The following MAML2 variants were observed in gnomAD, a reference collection of about 807,000 sequenced individuals.
MAML2 encodes the protein mastermind-like protein 2.
A neutral mutation model predicts 96.1 loss-of-function variants in MAML2; 22 were observed. The observed-to-expected ratio is 0.23, with a 90% CI of 0.16 to 0.33. The LOEUF (loss-of-function observed/expected upper bound fraction) is 0.33, where lower values mean the gene tolerates loss of function less well. MAML2 is among the 10% of genes least tolerant of loss of function. The pLI, the probability that MAML2 is intolerant of heterozygous loss-of-function variation, is 1.00. For synonymous variants in MAML2, 561 were observed against 521.3 expected, an observed-to-expected ratio of 1.08 and a Z score of -1.04; for missense variants, 1,367 against 1,392.4, an observed-to-expected ratio of 0.98 and a Z score of 0.29.
chr11:96,115,338 T>C (rs1463499568), intron 1 of MAML2, among the ~76,000 whole-genome samples: 4 of 151,954 alleles, frequency 2.6e-5, no homozygotes, highest in Non-Finnish European at 4.4e-5. Context: ...TATGTATTTA[T>C]TTATTTTTTG....
chr11:96,055,149 A>T (rs1859043790), intron 2 of MAML2, among the ~76,000 whole-genome samples: 1 of 152,208 alleles, frequency 6.6e-6, no homozygotes, highest in Non-Finnish European at 1.5e-5. Context: ...TTTAGTACCT[A>T]GAAAAGGTTG....
chr11:96,291,272 C>T (rs1332646478), intron 1 of MAML2, among the ~76,000 whole-genome samples: 1 of 151,756 alleles, frequency 6.6e-6, no homozygotes, highest in East Asian at 1.9e-4. Flanking sequence ...ACTACAGGCA[C>T]CCACCACCTC....
intron 1 of MAML2, among the ~76,000 whole-genome samples, chr11:96,094,846 C>T (rs1228292989): frequency 6.6e-6 from 1 of 152,182 alleles, no homozygotes; most frequent in Non-Finnish European, 1.5e-5. Flanking sequence ...AATTCTATCA[C>T]TTCTCCTATC....
intron 1 of MAML2, among the ~76,000 whole-genome samples, chr11:96,170,471 GC>G (rs1565236424): frequency 6.6e-6 from 1 of 152,302 alleles, no homozygotes; most frequent in East Asian, 1.9e-4. Flanking sequence ...GATACAGTTT[GC>G]TTTCTGATAA....
intron 1 of MAML2, among the ~76,000 whole-genome samples, chr11:96,203,794 C>G (rs1861859051): frequency 6.6e-6 from 1 of 152,184 alleles, no homozygotes; most frequent in South Asian, 2.1e-4. Flanking sequence ...TTAGCCTACC[C>G]AAGGATCTAT....
At chr11:96,096,575 G>C (rs1213682537) in intron 1 of MAML2, among the ~76,000 whole-genome samples, 2 of 152,190 alleles carry the variant, frequency 1.3e-5, no homozygotes, top group African/African-American at 4.8e-5. Context: ...CCTGTGCTCT[G>C]TAGTAAGTGA....
At chr11:96,232,833 C>T (rs182447348) in intron 1 of MAML2, among the ~76,000 whole-genome samples, 90 of 152,252 alleles carry the variant, frequency 5.9e-4, no homozygotes, top group South Asian at 4.1e-4. Flanking sequence ...AATGCTGGAC[C>T]GCATTGCTGA....
intron 1 of MAML2, among the ~76,000 whole-genome samples, chr11:96,278,932 A>T (rs1396514083): frequency 1.3e-5 from 2 of 152,198 alleles, no homozygotes; most frequent in East Asian, 3.8e-4. Flanking sequence ...AGGAGCTAAC[A>T]TTGTGGCAGT....
intron 1 of MAML2, among the ~76,000 whole-genome samples, chr11:96,277,471 C>A (rs1012585066): frequency 3.2e-4 from 48 of 152,120 alleles, no homozygotes; most frequent in Middle Eastern, 3.2e-3. Context: ...AACTTACTGT[C>A]CAGGCGCGGT....
chr11:96,341,126 A>G (rs1356099762), intron 1 of MAML2, among the ~76,000 whole-genome samples: 1 of 152,170 alleles, frequency 6.6e-6, no homozygotes, highest in East Asian at 1.9e-4. Flanking sequence ...TGGACCCCAG[A>G]GAGCCTCTGG....
At chr11:96,244,684 A>C (rs1266189318) in intron 1 of MAML2, among the ~76,000 whole-genome samples, 1 of 152,204 alleles carries the variant, frequency 6.6e-6, no homozygotes, top group East Asian at 1.9e-4. Context: ...TTGAAGAAAC[A>C]GAGGTTTGTA....
At chr11:96,255,764 C>T (rs191833065) in intron 1 of MAML2, among the ~76,000 whole-genome samples, 1 of 152,102 alleles carries the variant, frequency 6.6e-6, no homozygotes, top group Non-Finnish European at 1.5e-5. Flanking sequence ...ACAGAAAGAA[C>T]CTGGATCTGT....
rs369569343 is a variant in MAML2, at chr11:96,316,726, G to A, written c.513+24657C>T. Among the ~76,000 whole-genome samples the A allele has an allele frequency of 8.9e-4, 136 of 152,290 alleles. No individual in the cohort carries two copies. In the Middle Eastern group the frequency reaches 0.01, roughly 11 times the overall value. ...GGCTACTTAAGAGTTTTAAGCAGGG[G>A]TAGGATGTAAACAATTGTATGTTGA... On this transcript the variant is annotated intron_variant, in intron 1 of 4. Coordinates refer to ENST00000524717, the MANE Select transcript of MAML2 (RefSeq NM_032427.4).
intron 1 of MAML2, among the ~76,000 whole-genome samples, chr11:96,276,370 T>C (rs1193166509): frequency 6.6e-6 from 1 of 152,202 alleles, no homozygotes; most frequent in Non-Finnish European, 1.5e-5. Flanking sequence ...TTTCTGCCTA[T>C]AGAGAGGACA....
At chr11:96,259,993 T>A (rs1221421230) in intron 1 of MAML2, among the ~76,000 whole-genome samples, 1 of 152,154 alleles carries the variant, frequency 6.6e-6, no homozygotes, top group Admixed American at 6.5e-5. Context: ...TTAATCATTA[T>A]TCTTTCAAAC....
At chr11:96,285,720 A>G (rs2051314686) in intron 1 of MAML2, among the ~76,000 whole-genome samples, 1 of 152,232 alleles carries the variant, frequency 6.6e-6, no homozygotes, top group African/African-American at 2.4e-5. Context: ...CACATATGAA[A>G]AAAAGCTCAA....
intron 2 of MAML2, among the ~76,000 whole-genome samples, chr11:95,994,811 G>A (rs1483080929): frequency 6.6e-6 from 1 of 152,148 alleles, no homozygotes; most frequent in Non-Finnish European, 1.5e-5. Flanking sequence ...AGCATAGGTA[G>A]AAAAATTCAA....
At chr11:96,291,861 T>A (rs1863217473) in intron 1 of MAML2, among the ~76,000 whole-genome samples, 1 of 152,164 alleles carries the variant, frequency 6.6e-6, no homozygotes. Flanking sequence ...TATATCACCT[T>A]TGCCCAGGAG....
rs926394298 is a variant in MAML2, at chr11:96,256,878, A to T, written c.513+84505T>A. 1.3e-5 allele frequency among the ~76,000 whole-genome samples: 2 copies of T among 152,314 alleles called. 1 individual carries two copies. Among genetic ancestry groups the T allele is most frequent in the Middle Eastern group, 6.8e-3 (2 of 294 alleles). On this transcript the variant is annotated intron_variant, in intron 1 of 4. Coordinates refer to ENST00000524717, the MANE Select transcript of MAML2 (RefSeq NM_032427.4). ...TATCTCAACAGAAAGAAAGGAAAAAACCTACAATCCAGAAGCAGGCTGTGA... is the reference window on the plus strand; with the variant it reads ...TATCTCAACAGAAAGAAAGGAAAAATCCTACAATCCAGAAGCAGGCTGTGA...
Sources: gnomAD v4.1 joint callset for allele counts (sites outside exome capture counted in the v4.1 genomes callset) on GRCh38, gnomAD v4.1.1 for gene constraint, MANE v1.5 for transcripts, NCBI Gene and HGNC (gene_info 2026-07-23, HGNC 2026-07-21) for gene names.